AUTS2: variants seen among roughly 807,000 people sequenced by gnomAD.
The protein encoded by AUTS2 is activator of transcription and developmental regulator AUTS2, also known as autism susceptibility gene 2 protein.
AUTS2 carries 17 observed loss-of-function variants against 112.4 expected under a neutral mutation model. That is an observed-to-expected ratio of 0.15 (90% confidence interval 0.10 to 0.23). The LOEUF is 0.23. Ranked by LOEUF, AUTS2 falls within the 10% of genes least tolerant of loss-of-function variation. The probability of loss-of-function intolerance (pLI) is 1.00; values close to 1 mark genes in which losing one functional copy is unlikely to be tolerated. For synonymous variants in AUTS2, 751 were observed against 702.7 expected (o/e 1.07, Z -1.09); for missense variants, 1,510 against 1,701.6 (o/e 0.89, Z 1.98).
chr7:69,839,759 G>A (rs574782539), intron 1 of AUTS2, among the ~76,000 whole-genome samples: 46 of 152,218 alleles, frequency 3.0e-4, no homozygotes, highest in Admixed American at 2.9e-3. Context: ...ATTCCTCACT[G>A]CCTCACGAAT....
intron 4 of AUTS2, among the ~76,000 whole-genome samples, chr7:70,360,476 CT>C (rs1792211018): frequency 6.6e-6 from 1 of 152,080 alleles, no homozygotes; most frequent in African/African-American, 2.4e-5. Flanking sequence ...TGTTAGTCAG[CT>C]TTTTTCATTA....
intron 4 of AUTS2, among the ~76,000 whole-genome samples, chr7:70,281,283 A>G (rs1428857188): frequency 6.6e-6 from 1 of 152,218 alleles, no homozygotes; most frequent in East Asian, 1.9e-4. Flanking sequence ...AGCCTCATCT[A>G]TGCTGTACCT....
chr7:69,996,737 T>C lies in AUTS2; in HGVS notation c.522+97239T>C, dbSNP rs971087127. Among the ~76,000 whole-genome samples the C allele has an allele frequency of 2.0e-5, 3 of 152,098 alleles. No individual in the cohort carries two copies. In the East Asian group the frequency reaches 5.8e-4, roughly 29 times the overall value. ...TTCAAAGTGCCTGTTGTAGTATATA[T>C]CTTTAATAAATACTCCCCTGCTATA... On this transcript the variant is annotated intron_variant, in intron 2 of 18. Coordinates refer to ENST00000342771, the MANE Select transcript of AUTS2 (RefSeq NM_015570.4).
chr7:70,667,248 G>A (rs897483728), intron 5 of AUTS2, among the ~76,000 whole-genome samples: 6 of 152,134 alleles, frequency 3.9e-5, no homozygotes, highest in African/African-American at 7.2e-5. Flanking sequence ...TTTCCTTACT[G>A]TTTCCTACTT....
intron 5 of AUTS2, among the ~76,000 whole-genome samples, chr7:70,502,887 C>T (rs1798821813): frequency 6.6e-6 from 1 of 150,936 alleles, no homozygotes; most frequent in South Asian, 2.1e-4. Context: ...ATATCATGTA[C>T]CCTCCATTGT....
intron 4 of AUTS2, among the ~76,000 whole-genome samples, chr7:70,270,440 A>G (rs966229503): frequency 6.6e-6 from 1 of 152,138 alleles, no homozygotes; most frequent in African/African-American, 2.4e-5. Context: ...GGGACCTTCA[A>G]GTTGAACATT....
intron 5 of AUTS2, among the ~76,000 whole-genome samples, chr7:70,668,200 A>G (rs1019832548): frequency 3.3e-5 from 5 of 152,310 alleles, no homozygotes; most frequent in South Asian, 4.1e-4. Flanking sequence ...GCTGGTCTTG[A>G]ACTCCGGACC....
At chr7:69,972,933 T>C (rs1253936020) in intron 2 of AUTS2, among the ~76,000 whole-genome samples, 1 of 152,184 alleles carries the variant, frequency 6.6e-6, no homozygotes, top group Non-Finnish European at 1.5e-5. Context: ...AAATAGTACC[T>C]GTGTTTTTTC....
intron 4 of AUTS2, among the ~76,000 whole-genome samples, chr7:70,425,085 C>T (rs1020565115): frequency 2.6e-5 from 4 of 152,108 alleles, no homozygotes. Flanking sequence ...GGACATTGAC[C>T]CTTTGGCTGG....
intron 2 of AUTS2, among the ~76,000 whole-genome samples, chr7:69,972,248 T>G (rs1413050951): frequency 6.6e-6 from 1 of 152,226 alleles, no homozygotes; most frequent in African/African-American, 2.4e-5. Context: ...TATCTTCTTT[T>G]GTTAAATGTC....
At chr7:69,926,573 A>G (rs1027742545) in intron 2 of AUTS2, among the ~76,000 whole-genome samples, 5 of 151,542 alleles carry the variant, frequency 3.3e-5, no homozygotes, top group Non-Finnish European at 7.4e-5. Flanking sequence ...TTTCCATTCA[A>G]ATGTTAGGTT....
rs1162639124 is a variant in AUTS2, at chr7:69,668,845, C to T, written c.309+68883C>T. Among the ~76,000 whole-genome samples the T allele has an allele frequency of 2.0e-5, 3 of 152,194 alleles. No homozygotes were observed. The East Asian group carries it at 5.8e-4, about 29-fold the overall frequency. On this transcript the variant is annotated intron_variant, in intron 1 of 18. Transcript: ENST00000342771. ...AGTGAATTACTGTGTTTTTTTCCTT[C>T]ACATAAGAACAGCATCTTCATACCT...
intron 5 of AUTS2, among the ~76,000 whole-genome samples, chr7:70,543,981 C>T (rs146511094): frequency 2.0e-5 from 3 of 152,228 alleles, no homozygotes; most frequent in African/African-American, 7.2e-5. Flanking sequence ...CTTGAGACTT[C>T]ATAATTAAAA....
At chr7:69,700,824 C>T (rs1029333174) in intron 1 of AUTS2, among the ~76,000 whole-genome samples, 9 of 152,190 alleles carry the variant, frequency 5.9e-5, no homozygotes, top group African/African-American at 2.2e-4. Context: ...GTCCTCTCTG[C>T]CTCACATGCT....
intron 1 of AUTS2, among the ~76,000 whole-genome samples, chr7:69,828,861 A>T (rs766801314): frequency 2.2e-4 from 33 of 152,200 alleles, no homozygotes; most frequent in Admixed American, 1.5e-3. Context: ...AATTGACATG[A>T]TACATAACTC....
chr7:70,652,705 C>T (rs1415125015), intron 5 of AUTS2, among the ~76,000 whole-genome samples: 2 of 151,242 alleles, frequency 1.3e-5, no homozygotes, highest in East Asian at 4.0e-4. Flanking sequence ...GGCAACATAG[C>T]AAGACCCTGT....
intron 5 of AUTS2, among the ~76,000 whole-genome samples, chr7:70,464,896 G>A (rs943237144): frequency 9.2e-5 from 14 of 152,106 alleles, no homozygotes; most frequent in Admixed American, 2.6e-4. Flanking sequence ...AGCAAGTCCC[G>A]TTCCTCTATT....
At chr7:70,639,138 A>G (rs552643249) in intron 5 of AUTS2, among the ~76,000 whole-genome samples, 1 of 152,290 alleles carries the variant, frequency 6.6e-6, no homozygotes, top group South Asian at 2.1e-4. Flanking sequence ...TGTTTTATGC[A>G]TCTCCCCCAA....
intron 2 of AUTS2, among the ~76,000 whole-genome samples, chr7:70,019,082 CA>C (rs1192651171): frequency 1.3e-5 from 2 of 152,058 alleles, no homozygotes; most frequent in Admixed American, 6.6e-5. Context: ...TCTGCAGCCA[CA>C]AAAAAGAATG....
Sources: allele counts gnomAD v4.1 joint callset (sites outside exome capture counted in the v4.1 genomes callset), GRCh38; gene constraint gnomAD v4.1.1; transcripts MANE v1.5; gene names NCBI Gene and HGNC (gene_info 2026-07-23, HGNC 2026-07-21).